NDST3: variants seen among roughly 807,000 people sequenced by gnomAD.
NDST3 encodes the protein N-deacetylase and N-sulfotransferase 3.
A neutral mutation model predicts 96.1 loss-of-function variants in NDST3; 58 were observed. The observed-to-expected ratio is 0.60, with a 90% CI of 0.49 to 0.75. The LOEUF (loss-of-function observed/expected upper bound fraction) is 0.75, where lower values mean the gene tolerates loss of function less well. Among genes scored for constraint, NDST3 ranks in the 30% least tolerant of loss-of-function variants. The pLI, the probability that NDST3 is intolerant of heterozygous loss-of-function variation, is 0.00. For synonymous variants in NDST3, 333 were observed against 359.7 expected, an observed-to-expected ratio of 0.93 and a Z score of 0.84; for missense variants, 788 against 1,034.2, an observed-to-expected ratio of 0.76 and a Z score of 3.27.
intron 12 of NDST3, among the ~76,000 whole-genome samples, chr4:118,251,014 C>A (rs1013038442): frequency 1.0e-4 from 15 of 150,566 alleles, no homozygotes; most frequent in South Asian, 4.2e-4. Context: ...CTTTGCCTAA[C>A]CCAAGGTTGC....
At chr4:118,184,777 A>G (rs1246675650) in intron 6 of NDST3, among the ~76,000 whole-genome samples, 1 of 152,114 alleles carries the variant, frequency 6.6e-6, no homozygotes, top group Non-Finnish European at 1.5e-5. Flanking sequence ...TCAAAGGAAT[A>G]CTCTGTACTA....
intron 6 of NDST3, among the ~76,000 whole-genome samples, chr4:118,153,772 C>T (rs13149888): frequency 0.51 from 77,827 of 151,708 alleles, 23,982 homozygotes; most frequent in East Asian, 0.74. Flanking sequence ...TGCAGTGAGC[C>T]GAAATCGCAC....
At position 118,211,798 on chromosome 4, in the gene NDST3, G is replaced by A. The variant is rs1046769216; in HGVS notation, c.1540-12693G>A. Among the ~76,000 whole-genome samples, 3 of 152,050 alleles carry A rather than the reference G, an allele frequency of 2.0e-5. No homozygotes were observed. In the South Asian group the frequency reaches 6.2e-4, roughly 32 times the overall value. ...GCTAGAAAGTACAGTCCGTAAATCT[G>A]TGTAACTAGGCTCTCATAAACTGCC... On this transcript the variant is annotated intron_variant, in intron 6 of 13. Transcript: ENST00000296499.
chr4:118,130,208 A>G (rs1368150012), intron 4 of NDST3, among the ~76,000 whole-genome samples: 1 of 152,020 alleles, frequency 6.6e-6, no homozygotes, highest in African/African-American at 2.4e-5. Context: ...TACGTGTAGA[A>G]ACTTACTCCT....
At chr4:118,090,890 A>G (rs1410056014) in intron 2 of NDST3, among the ~76,000 whole-genome samples, 1 of 151,924 alleles carries the variant, frequency 6.6e-6, no homozygotes, top group Non-Finnish European at 1.5e-5. Context: ...AGATGTAAAG[A>G]GATAAAATAT....
chr4:118,070,273 C>T (rs1203665118), intron 2 of NDST3, among the ~76,000 whole-genome samples: 2 of 152,070 alleles, frequency 1.3e-5, no homozygotes, highest in Non-Finnish European at 2.9e-5. Flanking sequence ...TTGACTTGAG[C>T]AGAGTAATTA....
intron 4 of NDST3, among the ~76,000 whole-genome samples, chr4:118,135,429 C>T (rs1305039517): frequency 2.0e-5 from 3 of 152,146 alleles, no homozygotes; most frequent in African/African-American, 7.2e-5. Context: ...AGGATCATAG[C>T]ATCTAAAAAC....
At chr4:118,212,444 A>G (rs983091972) in intron 6 of NDST3, among the ~76,000 whole-genome samples, 1 of 152,138 alleles carries the variant, frequency 6.6e-6, no homozygotes, top group Admixed American at 6.5e-5. Flanking sequence ...TGAGGCTAAG[A>G]TGGATTGGTA....
chr4:118,170,146 G>T (rs1391050806), intron 6 of NDST3, among the ~76,000 whole-genome samples: 1 of 152,142 alleles, frequency 6.6e-6, no homozygotes, highest in South Asian at 2.1e-4. Flanking sequence ...CTCTTTATAG[G>T]AGACTGACAA....
At chr4:118,109,144 G>T (rs1730439677) in intron 3 of NDST3, among the ~76,000 whole-genome samples, 1 of 152,148 alleles carries the variant, frequency 6.6e-6, no homozygotes, top group Admixed American at 6.5e-5. Flanking sequence ...AAGAGCTTAA[G>T]GAAACAGAAG....
chr4:118,143,778 C>T, intron 6 of NDST3, 94 bp downstream of exon 6: 1 of 1,333,258 alleles, frequency 7.5e-7, no homozygotes, highest in Non-Finnish European at 1.0e-6. Flanking sequence ...AGTCATCAGC[C>T]AAGCCAATAT....
chr4:118,194,827 TC>T (rs1393724278), intron 6 of NDST3: 5 of 347,984 alleles, frequency 1.4e-5, no homozygotes, highest in Admixed American at 1.2e-4. Flanking sequence ...GGTGCTACCT[TC>T]AGGGTGTGCA....
intron 6 of NDST3, among the ~76,000 whole-genome samples, chr4:118,173,914 TC>T (rs1275704980): frequency 6.6e-6 from 1 of 152,170 alleles, no homozygotes; most frequent in African/African-American, 2.4e-5. Flanking sequence ...GAAAGCAATA[TC>T]CAGAGTCAGA....
chr4:118,134,690 C>T (rs1449135902), intron 4 of NDST3, among the ~76,000 whole-genome samples: 1 of 152,146 alleles, frequency 6.6e-6, no homozygotes, highest in African/African-American at 2.4e-5. Flanking sequence ...AAGAGAATAT[C>T]TGGTAGGGCT....
intron 9 of NDST3, 35 bp from the exon 10 acceptor site, chr4:118,237,011 A>C (rs1428371500): frequency 6.6e-7 from 1 of 1,511,948 alleles, no homozygotes; most frequent in Admixed American, 1.9e-5. Context: ...AGTATAAACC[A>C]GAATCTTATT....
intron 3 of NDST3, among the ~76,000 whole-genome samples, chr4:118,108,997 T>C (rs1051120440): frequency 6.6e-6 from 1 of 152,224 alleles, no homozygotes; most frequent in Non-Finnish European, 1.5e-5. Context: ...TTTTAAATCT[T>C]TTGCTTACAG....
At chr4:118,161,739 G>C (rs1003010677) in intron 6 of NDST3, among the ~76,000 whole-genome samples, 21 of 152,314 alleles carry the variant, frequency 1.4e-4, no homozygotes, top group Admixed American at 9.8e-4. Context: ...TGCAGTATTA[G>C]GGTGGGAGTG....
intron 2 of NDST3, among the ~76,000 whole-genome samples, chr4:118,068,224 C>T (rs1726761782): frequency 8.3e-6 from 1 of 121,208 alleles, no homozygotes. Flanking sequence ...CCAGGCTGAA[C>T]TTGAACTCCC....
chr4:118,040,148 C>T (rs1245486469), intron 1 of NDST3, among the ~76,000 whole-genome samples: 1 of 152,136 alleles, frequency 6.6e-6, no homozygotes, highest in East Asian at 1.9e-4. Context: ...CAGTTTTAGA[C>T]AGGTTAAGTT....
Sources: allele counts gnomAD v4.1 joint callset (sites outside exome capture counted in the v4.1 genomes callset), GRCh38; gene constraint gnomAD v4.1.1; transcripts MANE v1.5; gene names NCBI Gene and HGNC (gene_info 2026-07-23, HGNC 2026-07-21).